POPDC1: variants seen among roughly 807,000 people sequenced by gnomAD.
POPDC1 encodes the protein popeye domain-containing protein 1.
the POPDC1 span, chr6:105,124,797 CT>C: frequency 1.6e-6 from 1 of 636,640 alleles, no homozygotes. Context: ...ACTAAAAGCA[CT>C]TCTTGAGGCA....
the POPDC1 span, among the ~76,000 whole-genome samples, chr6:105,123,377 A>G: frequency 1.9e-4 from 29 of 152,094 alleles, no homozygotes; most frequent in African/African-American, 7.0e-4. Context: ...ACAGTGTCAC[A>G]TAATGGAGCA....
chr6:105,131,839 A>AT, the POPDC1 span, among the ~76,000 whole-genome samples: 139,031 of 150,938 alleles, frequency 0.92, 64,169 homozygotes, highest in Non-Finnish European at 0.96. Flanking sequence ...AGGGTACGGT[A>AT]TTTTTTTTTC....
the POPDC1 span, among the ~76,000 whole-genome samples, chr6:105,119,144 C>G: frequency 1.4e-5 from 2 of 145,978 alleles, no homozygotes; most frequent in South Asian, 4.4e-4. Context: ...GAGATCGTGC[C>G]GCTGCACTCT....
chr6:105,108,738 C>T, the POPDC1 span, among the ~76,000 whole-genome samples: 16 of 152,184 alleles, frequency 1.1e-4, no homozygotes, highest in Non-Finnish European at 2.2e-4. Flanking sequence ...ACATTGGAAA[C>T]AGAAATAAAT....
the POPDC1 span, among the ~76,000 whole-genome samples, chr6:105,115,292 A>G: frequency 6.6e-6 from 1 of 152,108 alleles, no homozygotes; most frequent in Non-Finnish European, 1.5e-5. Flanking sequence ...GTTTCACCGT[A>G]TTAGTCAGGA....
the POPDC1 span, among the ~76,000 whole-genome samples, chr6:105,103,554 G>A: frequency 6.6e-6 from 1 of 152,030 alleles, no homozygotes; most frequent in Admixed American, 6.5e-5. Flanking sequence ...CTTAGGCTGA[G>A]TATCTACAAT....
the POPDC1 span, among the ~76,000 whole-genome samples, chr6:105,105,890 C>T: frequency 6.6e-6 from 1 of 152,156 alleles, no homozygotes; most frequent in East Asian, 1.9e-4. Flanking sequence ...AAGGAGGTTA[C>T]TGTAAGGTTC....
At chr6:105,122,567 C>A in the POPDC1 span, among the ~76,000 whole-genome samples, 1 of 152,158 alleles carries the variant, frequency 6.6e-6, no homozygotes, top group South Asian at 2.1e-4. Flanking sequence ...TCAATTCCCA[C>A]CCCATCCTCA....
the POPDC1 span, among the ~76,000 whole-genome samples, chr6:105,130,485 T>G: frequency 6.6e-6 from 1 of 152,176 alleles, no homozygotes; most frequent in Non-Finnish European, 1.5e-5. Flanking sequence ...ATTGAAGAAT[T>G]GTTTTCCAAA....
the POPDC1 span, among the ~76,000 whole-genome samples, chr6:105,135,455 A>G: frequency 6.6e-6 from 1 of 152,160 alleles, no homozygotes; most frequent in Non-Finnish European, 1.5e-5. Flanking sequence ...CTATGGTTCT[A>G]TAATACACAT....
the POPDC1 span, among the ~76,000 whole-genome samples, chr6:105,113,343 A>T: frequency 6.6e-6 from 1 of 152,192 alleles, no homozygotes. Flanking sequence ...CCTCATCTAT[A>T]AAATGACCTA....
At chr6:105,125,599 G>C in the POPDC1 span, 1 of 1,610,612 alleles carries the variant, frequency 6.2e-7, no homozygotes, top group Non-Finnish European at 8.5e-7. Context: ...GCAATGACTA[G>C]ATGCTTCACC....
the POPDC1 span, chr6:105,136,728 G>A: frequency 6.6e-6 from 1 of 152,300 alleles, no homozygotes. Flanking sequence ...CAGACCCGGG[G>A]AGAAGGGCGG....
At chr6:105,135,211 G>A in the POPDC1 span, among the ~76,000 whole-genome samples, 1 of 152,180 alleles carries the variant, frequency 6.6e-6, no homozygotes, top group Non-Finnish European at 1.5e-5. Context: ...TGTAGAGAAG[G>A]CCACTGAGAC....
At chr6:105,118,008 C>A in the POPDC1 span, among the ~76,000 whole-genome samples, 1 of 152,186 alleles carries the variant, frequency 6.6e-6, no homozygotes, top group African/African-American at 2.4e-5. Context: ...GATCACACCA[C>A]TACACTCGAT....
At chr6:105,097,704 G>C in the POPDC1 span, 1 of 152,224 alleles carries the variant, frequency 6.6e-6, no homozygotes, top group Non-Finnish European at 1.5e-5. Flanking sequence ...CTAAGATCAG[G>C]AGAGCTTCAG....
chr6:105,123,033 T>C, the POPDC1 span, among the ~76,000 whole-genome samples: 1 of 152,234 alleles, frequency 6.6e-6, no homozygotes, highest in African/African-American at 2.4e-5. Context: ...CTAAACTGTA[T>C]GTCTAAAAGT....
the POPDC1 span, among the ~76,000 whole-genome samples, chr6:105,108,235 G>C: frequency 6.6e-6 from 1 of 152,198 alleles, no homozygotes; most frequent in African/African-American, 2.4e-5. Flanking sequence ...ATGAACCCAG[G>C]AGAAGAGTGA....
the POPDC1 span, among the ~76,000 whole-genome samples, chr6:105,114,433 C>T: frequency 6.6e-6 from 1 of 152,150 alleles, no homozygotes; most frequent in Non-Finnish European, 1.5e-5. Flanking sequence ...TCCAGCCTCT[C>T]CTGACTATGC....
Sources: allele counts gnomAD v4.1 joint callset (sites outside exome capture counted in the v4.1 genomes callset), GRCh38; gene constraint gnomAD v4.1.1; transcripts MANE v1.5; gene names NCBI Gene and HGNC (gene_info 2026-07-23, HGNC 2026-07-21).